The following EPHB1 variants were observed in gnomAD, a reference collection of about 807,000 sequenced individuals.
The protein encoded by EPHB1 is ephrin type-B receptor 1.
EPHB1 carries 30 observed loss-of-function variants against 94.4 expected under a neutral mutation model. That is an observed-to-expected ratio of 0.32 (90% confidence interval 0.24 to 0.43). EPHB1 has a LOEUF of 0.43. Ranked by LOEUF, EPHB1 falls within the 20% of genes least tolerant of loss-of-function variation. The probability of loss-of-function intolerance (pLI) is 1.00; values close to 1 mark genes in which losing one functional copy is unlikely to be tolerated. For missense variants in EPHB1, 1,055 were observed against 1,308.3 expected (o/e 0.81, Z 2.99); for synonymous variants, 522 against 489.1 (o/e 1.07, Z -0.89).
chr3:135,020,144 T>G (rs767875918), intron 3 of EPHB1, among the ~76,000 whole-genome samples: 4 of 152,226 alleles, frequency 2.6e-5, no homozygotes, highest in Non-Finnish European at 5.9e-5. Context: ...GTGTCAGTGT[T>G]TTACTTATTA....
At position 134,951,489 on chromosome 3, in the gene EPHB1, G is replaced by C. The variant is rs2107715443; in HGVS notation, c.242G>C (p.Gly81Ala). ...CTCACCACCTTCATCAACCGGCGGG[G>C]GGCCCATCGCATCTACACAGAGATG... ...WLLTTFINRRGAHRIYTEMRF... is the reference protein window; with the variant it reads ...WLLTTFINRRAAHRIYTEMRF... The change falls in exon 3 of 16, where the codon GGG becomes GCG. Residue 81 changes from glycine to alanine, a missense_variant. Gly to Ala is a moderately conservative substitution (Grantham distance 60, BLOSUM62 0). Coordinates refer to ENST00000398015, the MANE Select transcript of EPHB1 (RefSeq NM_004441.5). This position sits in a 1 kb window ranked among gnomAD's most constrained non-coding sequence, Gnocchi z 4.5. 1 of 1,610,772 alleles carries C rather than the reference G, an allele frequency of 6.2e-7. No homozygotes were observed.
At chr3:135,014,561 A>T (rs1935728592) in intron 3 of EPHB1, among the ~76,000 whole-genome samples, 1 of 152,236 alleles carries the variant, frequency 6.6e-6, no homozygotes, top group Non-Finnish European at 1.5e-5. Context: ...TTTAATTTTA[A>T]TGCAGCAAAT....
chr3:135,172,042 G>T (rs1373388081), intron 9 of EPHB1, among the ~76,000 whole-genome samples: 1 of 152,234 alleles, frequency 6.6e-6, no homozygotes, highest in Non-Finnish European at 1.5e-5. Context: ...TATATAAACA[G>T]TGTCTTCTGT....
intron 3 of EPHB1, among the ~76,000 whole-genome samples, chr3:135,022,455 T>C (rs528728560): frequency 1.3e-5 from 2 of 152,220 alleles, no homozygotes; most frequent in African/African-American, 2.4e-5. Context: ...TGGAATTATG[T>C]TTCTTAAAAG....
At chr3:134,822,261 G>C (rs2036396312) in intron 1 of EPHB1, among the ~76,000 whole-genome samples, 1 of 152,092 alleles carries the variant, frequency 6.6e-6, no homozygotes, top group South Asian at 2.1e-4. Flanking sequence ...TGCTGTGTCT[G>C]AGCGGTGACT....
chr3:134,847,793 A>G (rs545135564), intron 1 of EPHB1, among the ~76,000 whole-genome samples: 5 of 152,174 alleles, frequency 3.3e-5, no homozygotes, highest in Non-Finnish European at 7.4e-5. Context: ...TTGGATAAGC[A>G]TAAGTGTTGT....
intron 15 of EPHB1, among the ~76,000 whole-genome samples, chr3:135,256,702 T>G (rs1933408135): frequency 1.3e-5 from 2 of 152,182 alleles, no homozygotes; most frequent in African/African-American, 4.8e-5. Context: ...GTCTTGGAGT[T>G]GCTCTTCTCG....
chr3:135,068,051 T>C (rs1218631133), intron 3 of EPHB1: 1 of 152,276 alleles, frequency 6.6e-6, no homozygotes, highest in Non-Finnish European at 1.5e-5. Flanking sequence ...TCACAGTATT[T>C]GGGGTGTCTC....
chr3:135,087,246 G>A (rs1002371117), intron 3 of EPHB1, among the ~76,000 whole-genome samples: 2 of 152,148 alleles, frequency 1.3e-5, no homozygotes, highest in African/African-American at 2.4e-5. Context: ...TTTGGGAATC[G>A]AATACCTGTC....
At chr3:134,894,444 G>A (rs1342042124) in intron 1 of EPHB1, among the ~76,000 whole-genome samples, 2 of 152,184 alleles carry the variant, frequency 1.3e-5, no homozygotes, top group African/African-American at 2.4e-5. Context: ...CCTTCTAAGA[G>A]GTTGTTTAAA....
intron 3 of EPHB1, among the ~76,000 whole-genome samples, chr3:134,990,278 A>G (rs949043146): frequency 6.6e-5 from 10 of 152,194 alleles, no homozygotes; most frequent in Admixed American, 2.6e-4. Flanking sequence ...TGGCTGAATA[A>G]TTCTTTCTTT....
intron 1 of EPHB1, among the ~76,000 whole-genome samples, chr3:134,891,055 C>T (rs1267771749): frequency 6.6e-6 from 1 of 152,220 alleles, no homozygotes; most frequent in East Asian, 1.9e-4. Flanking sequence ...TGTTTGCCTA[C>T]TGTTCCCACA....
chr3:135,222,685 A>G (rs1943300022), intron 12 of EPHB1, among the ~76,000 whole-genome samples: 1 of 152,200 alleles, frequency 6.6e-6, no homozygotes, highest in Admixed American at 6.5e-5. Context: ...TAATTTTATG[A>G]CAAAACAGTC....
At chr3:134,919,945 G>T (rs1021152339) in intron 1 of EPHB1, among the ~76,000 whole-genome samples, 10 of 152,188 alleles carry the variant, frequency 6.6e-5, no homozygotes, top group Non-Finnish European at 1.3e-4. Flanking sequence ...ACAGCCAGGG[G>T]CTGGGGAAAA....
intron 1 of EPHB1, among the ~76,000 whole-genome samples, chr3:134,879,599 C>G (rs2037686842): frequency 6.6e-6 from 1 of 152,166 alleles, no homozygotes; most frequent in South Asian, 2.1e-4. Context: ...TTGCAGTGAG[C>G]CCAGATCATG....
At chr3:135,108,576 TG>T (rs2107800003) in intron 4 of EPHB1, among the ~76,000 whole-genome samples, 1 of 152,270 alleles carries the variant, frequency 6.6e-6, no homozygotes, top group South Asian at 2.1e-4. Flanking sequence ...GGGATGCAGG[TG>T]CACCTCAAGG....
intron 11 of EPHB1, among the ~76,000 whole-genome samples, chr3:135,196,143 G>A (rs937422765): frequency 3.3e-5 from 5 of 151,876 alleles, no homozygotes; most frequent in Non-Finnish European, 7.4e-5. Flanking sequence ...CTTTTGAGAA[G>A]TGTCTGTTCA....
chr3:134,895,930 C>T (rs1365232647), intron 1 of EPHB1, among the ~76,000 whole-genome samples: 1 of 152,176 alleles, frequency 6.6e-6, no homozygotes, highest in Non-Finnish European at 1.5e-5. Flanking sequence ...ATTTCTGTAG[C>T]CTTTGCCAAC....
intron 12 of EPHB1, among the ~76,000 whole-genome samples, chr3:135,234,960 A>G (rs1943614048): frequency 6.6e-6 from 1 of 152,166 alleles, no homozygotes; most frequent in Admixed American, 6.5e-5. Context: ...ACAGCTGCCT[A>G]CTTCCTCACC....
Sources: gnomAD v4.1 joint callset for allele counts (sites outside exome capture counted in the v4.1 genomes callset) on GRCh38, gnomAD v4.1.1 for gene constraint, Gnocchi (gnomAD v3.1) non-coding constraint, MANE v1.5 for transcripts, NCBI Gene and HGNC (gene_info 2026-07-23, HGNC 2026-07-21) for gene names.